The following TSPAN5 variants were observed in gnomAD, a reference collection of about 807,000 sequenced individuals.
TSPAN5 encodes tetraspanin-5.
In TSPAN5, 10 loss-of-function variants were observed where a neutral mutation model predicts 37.1. The ratio of observed to expected loss-of-function variants is 0.27; its 90% CI spans 0.17 to 0.46. The LOEUF (loss-of-function observed/expected upper bound fraction) is 0.46, where lower values mean the gene tolerates loss of function less well. Among genes scored for constraint, TSPAN5 ranks in the 20% least tolerant of loss-of-function variants. TSPAN5 has a pLI of 1.00. For synonymous variants in TSPAN5, 110 were observed against 118.9 expected (o/e 0.93, Z 0.48); for missense variants, 195 against 326.6 (o/e 0.60, Z 3.11).
intron 1 of TSPAN5, among the ~76,000 whole-genome samples, chr4:98,611,489 A>G (rs2110234847): frequency 6.6e-6 from 1 of 152,298 alleles, no homozygotes; most frequent in Non-Finnish European, 1.5e-5. Flanking sequence ...GAATATTACT[A>G]TTTTTGACAA....
At chr4:98,550,580 TC>T (rs1319832477) in intron 1 of TSPAN5, among the ~76,000 whole-genome samples, 1 of 150,534 alleles carries the variant, frequency 6.6e-6, no homozygotes, top group Non-Finnish European at 1.5e-5. Context: ...GTAGTTCACC[TC>T]CTTGTTTAAA....
At chr4:98,609,396 T>C (rs79450301) in intron 1 of TSPAN5, among the ~76,000 whole-genome samples, 15 of 152,252 alleles carry the variant, frequency 9.9e-5, no homozygotes, top group Non-Finnish European at 2.2e-4. Context: ...CTCGGAATGC[T>C]GGAGGTAAAA....
At chr4:98,517,294 T>A (rs1753756461) in intron 1 of TSPAN5, among the ~76,000 whole-genome samples, 1 of 152,046 alleles carries the variant, frequency 6.6e-6, no homozygotes, top group South Asian at 2.1e-4. Context: ...CAGCCACACA[T>A]CCACTTGCAG....
chr4:98,472,662 T>A, intron 7 of TSPAN5, 75 bp from the exon 8 acceptor site: 1 of 1,292,888 alleles, frequency 7.7e-7, no homozygotes, highest in Non-Finnish European at 1.1e-6. Context: ...TCCCATTTTT[T>A]TAAATCATTG....
At chr4:98,536,613 C>CG (rs1754239072) in intron 1 of TSPAN5, among the ~76,000 whole-genome samples, 1 of 152,196 alleles carries the variant, frequency 6.6e-6, no homozygotes, top group Admixed American at 6.5e-5. Context: ...CCCCTTTCCC[C>CG]GGGTGCTCTG....
intron 2 of TSPAN5, among the ~76,000 whole-genome samples, chr4:98,494,202 T>C (rs916484428): frequency 6.6e-6 from 1 of 152,096 alleles, no homozygotes; most frequent in Non-Finnish European, 1.5e-5. Flanking sequence ...TAGCCTGCTC[T>C]AGAGTGGGGC....
chr4:98,628,615 C>T (rs1168824952), intron 1 of TSPAN5, among the ~76,000 whole-genome samples: 2 of 152,152 alleles, frequency 1.3e-5, no homozygotes, highest in East Asian at 3.9e-4. Context: ...AAACCAGCTC[C>T]CTGATAGGCA....
chr4:98,604,028 C>G (rs1377227382), intron 1 of TSPAN5, among the ~76,000 whole-genome samples: 3 of 152,154 alleles, frequency 2.0e-5, no homozygotes, highest in African/African-American at 7.2e-5. Flanking sequence ...TTCCTTTTCC[C>G]TGTTTGATGC....
At chr4:98,585,429 C>T (rs1307940044) in intron 1 of TSPAN5, among the ~76,000 whole-genome samples, 1 of 152,166 alleles carries the variant, frequency 6.6e-6, no homozygotes, top group East Asian at 1.9e-4. Flanking sequence ...CCTGCCTCAG[C>T]CTCCCAAGTA....
In TSPAN5 at chr4:98,507,661, C is replaced by T. The variant is rs977416918; in HGVS notation, c.132+17G>A. 8.1e-6 allele frequency: 13 copies of T among 1,599,892 alleles called. No homozygotes were observed. The highest frequency in any genetic ancestry group is 1.0e-5 in the Non-Finnish European group (12 of 1,170,898). On this transcript the variant is annotated intron_variant, in intron 2 of 7. Transcript: ENST00000305798. The stretch of plus-strand genomic sequence containing the variant: ...CTAACAACCACGATGTGTGCATTGT[C>T]ATGATATTCAACTTACTTTTTCATT...
chr4:98,494,017 CT>C lies in TSPAN5; in HGVS notation c.133-7134del, dbSNP rs1753144521. On this transcript the variant is annotated intron_variant, in intron 2 of 7. Transcript: ENST00000305798. ...TTATCCACTAGGTACCAGACAGCAT[CT>C]CTCATAACTTAGCAAAGAGACCAGT... Among the ~76,000 whole-genome samples the C allele has an allele frequency of 2.4e-4, 36 of 152,196 alleles. 1 individual carries two copies. The highest frequency in any genetic ancestry group is 6.5e-5 in the Admixed American group (1 of 15,280).
chr4:98,624,260 C>A (rs1040528328), intron 1 of TSPAN5, among the ~76,000 whole-genome samples: 1 of 151,194 alleles, frequency 6.6e-6, no homozygotes. Context: ...AATTGAAATA[C>A]AAACCTTTAA....
intron 2 of TSPAN5, among the ~76,000 whole-genome samples, chr4:98,504,596 G>A (rs1274345246): frequency 6.6e-6 from 1 of 152,178 alleles, no homozygotes; most frequent in African/African-American, 2.4e-5. Context: ...TGTGTCCAGG[G>A]GAGGGAGCCA....
chr4:98,600,052 T>G (rs957507376), intron 1 of TSPAN5, among the ~76,000 whole-genome samples: 1 of 152,142 alleles, frequency 6.6e-6, no homozygotes, highest in African/African-American at 2.4e-5. Flanking sequence ...GTCACACAAT[T>G]TTTTTCTCAG....
chr4:98,575,384 C>A (rs1359260569), intron 1 of TSPAN5, among the ~76,000 whole-genome samples: 1 of 148,908 alleles, frequency 6.7e-6, no homozygotes, highest in African/African-American at 2.5e-5. Flanking sequence ...TTTTTTAAAG[C>A]CCATACTGTC....
chr4:98,540,483 A>G (rs980429352), intron 1 of TSPAN5, among the ~76,000 whole-genome samples: 42 of 152,102 alleles, frequency 2.8e-4, no homozygotes, highest in Non-Finnish European at 7.4e-5. Context: ...GATTACAGGC[A>G]CGTGCCACCA....
intron 2 of TSPAN5, among the ~76,000 whole-genome samples, chr4:98,493,002 C>T (rs1289018476): frequency 6.6e-6 from 1 of 151,924 alleles, no homozygotes; most frequent in Admixed American, 6.6e-5. Context: ...TAAAACAAGA[C>T]CCCATCTCTA....
intron 1 of TSPAN5, among the ~76,000 whole-genome samples, chr4:98,626,468 T>C (rs1247191362): frequency 6.6e-6 from 1 of 152,072 alleles, no homozygotes; most frequent in Admixed American, 6.6e-5. Flanking sequence ...GTTTCTCATC[T>C]CCCTCAGTGG....
chr4:98,524,623 T>C (rs759311038), intron 1 of TSPAN5, among the ~76,000 whole-genome samples: 3 of 152,026 alleles, frequency 2.0e-5, no homozygotes, highest in Non-Finnish European at 2.9e-5. Context: ...AAATCTCCTT[T>C]AAGATAAATC....
Sources: gnomAD v4.1 joint callset for allele counts (sites outside exome capture counted in the v4.1 genomes callset) on GRCh38, gnomAD v4.1.1 for gene constraint, MANE v1.5 for transcripts, NCBI Gene and HGNC (gene_info 2026-07-23, HGNC 2026-07-21) for gene names.